The following ACSF2 variants were observed in gnomAD, a reference collection of about 807,000 sequenced individuals.
The protein encoded by ACSF2 is medium-chain acyl-CoA ligase ACSF2, mitochondrial.
ACSF2 carries 52 observed loss-of-function variants against 79.3 expected under a neutral mutation model. The ratio of observed to expected loss-of-function variants is 0.66; its 90% CI spans 0.53 to 0.83. The LOEUF (loss-of-function observed/expected upper bound fraction) is 0.83, where lower values mean the gene tolerates loss of function less well. Among genes scored for constraint, ACSF2 ranks in the 40% least tolerant of loss-of-function variants. The probability of loss-of-function intolerance (pLI) is 0.00; values close to 1 mark genes in which losing one functional copy is unlikely to be tolerated. For missense variants in ACSF2, 661 were observed against 803.3 expected, an observed-to-expected ratio of 0.82 and a Z score of 2.14; for synonymous variants, 283 against 312.6, an observed-to-expected ratio of 0.91 and a Z score of 1.00.
chr17:50,468,308 C>T, intron 10 of ACSF2: 1 of 1,613,960 alleles, frequency 6.2e-7, no homozygotes, highest in Non-Finnish European at 8.5e-7. Flanking sequence ...GTCCTTGGCT[C>T]CCTGGAAGGC....
intron 1 of ACSF2, among the ~76,000 whole-genome samples, chr17:50,432,181 G>A (rs2029986565): frequency 6.6e-6 from 1 of 152,178 alleles, no homozygotes; most frequent in Non-Finnish European, 1.5e-5. Flanking sequence ...TGGGATTACA[G>A]GTGTGAGCCA....
chr17:50,463,461 A>G lies in ACSF2; in HGVS notation c.955A>G (p.Thr319Ala), dbSNP rs1241692777. Residue 319 changes from threonine to alanine, a missense_variant, in exon 8 of 16, where the codon ACA (threonine) becomes GCA (alanine). Physicochemically the swap from Thr to Ala is moderately conservative, Grantham distance 58. Transcript: ENST00000300441. This position sits in a 1 kb window ranked among gnomAD's most constrained non-coding sequence, Gnocchi z 4.6. ...CCATTGCCTGGGTTCCGTGGCAGGCACAATGATGTGTCTGATGTACGGTGC... is the reference window on the plus strand; with the variant it reads ...CCATTGCCTGGGTTCCGTGGCAGGCGCAATGATGTGTCTGATGTACGGTGC... ...LYHCLGSVAG[T>A]MMCLMYGATL... The G allele has an allele frequency of 7.4e-6, 12 of 1,614,038 alleles. No individual in the cohort carries two copies. Among genetic ancestry groups the G allele is most frequent in the Non-Finnish European group, 8.5e-6 (10 of 1,180,036 alleles).
chr17:50,471,753 C>A lies in ACSF2; in HGVS notation c.1323+618C>A. 1 of 159,220 alleles carries A rather than the reference C, an allele frequency of 6.3e-6. No individual in the cohort carries two copies. 9.9% of individuals were successfully genotyped at this position (159,220 alleles called of 1,614,324 possible). A position where few individuals can be genotyped will look rare whatever the true frequency, so the allele number is the denominator to read the frequency against. ...CCCCGTGCACAAGCAGCTGCTTCCCCTGGGGCTGACCGCTGTCCTGGCGTG... is the reference window on the plus strand; with the variant it reads ...CCCCGTGCACAAGCAGCTGCTTCCCATGGGGCTGACCGCTGTCCTGGCGTG... On this transcript the variant is annotated intron_variant, in intron 11 of 15. Coordinates refer to ENST00000300441, the MANE Select transcript of ACSF2 (RefSeq NM_025149.6). The surrounding 1 kb of genome is among the most constrained non-coding windows in gnomAD (Gnocchi z 4.1).
intron 1 of ACSF2, among the ~76,000 whole-genome samples, chr17:50,459,417 A>G (rs1281371746): frequency 6.6e-6 from 1 of 152,122 alleles, no homozygotes; most frequent in Non-Finnish European, 1.5e-5. Context: ...ATTGTTTAAA[A>G]TGTTTCATAG....
intron 10 of ACSF2, among the ~76,000 whole-genome samples, chr17:50,466,091 C>CTT (rs1345682475): frequency 3.4e-4 from 41 of 120,182 alleles, no homozygotes; most frequent in African/African-American, 7.7e-4. Flanking sequence ...TTTTTTTTTC[C>CTT]TTTTTTTTTT....
chr17:50,435,364 T>C (rs1243383137), intron 1 of ACSF2, among the ~76,000 whole-genome samples: 2 of 152,098 alleles, frequency 1.3e-5, no homozygotes, highest in Non-Finnish European at 2.9e-5. Context: ...GTAGCTTTTT[T>C]TCATCCTCTT....
At chr17:50,433,188 C>T (rs146925774) in intron 1 of ACSF2, among the ~76,000 whole-genome samples, 9 of 150,888 alleles carry the variant, frequency 6.0e-5, no homozygotes, top group African/African-American at 2.2e-4. Flanking sequence ...CTCACTGTAA[C>T]CTCCGCCTCC....
chr17:50,472,176 A>C (rs906179909), intron 11 of ACSF2: 40 of 484,582 alleles, frequency 8.3e-5, no homozygotes, highest in African/African-American at 8.0e-4. Flanking sequence ...CTGCCTGCCC[A>C]CTCTGTTTCC....
intron 1 of ACSF2, among the ~76,000 whole-genome samples, chr17:50,436,357 C>T (rs1324490196): frequency 6.6e-6 from 1 of 151,950 alleles, no homozygotes; most frequent in African/African-American, 2.4e-5. Context: ...TCTCGATCTC[C>T]TGACCTTGTG....
In ACSF2 at chr17:50,474,297, C is replaced by A; in HGVS notation, c.1797+30C>A. On this transcript the variant is annotated intron_variant, in intron 15 of 15. Transcript: ENST00000300441. This position sits in a 1 kb window ranked among gnomAD's most constrained non-coding sequence, Gnocchi z 4.2. Reference sequence around the variant, plus strand: ...GTAAGGTGGAGGAGGCTGGGGAGGGCAGCCTGGGCTCTGGGGCCCCATAGG... The same window carrying A: ...GTAAGGTGGAGGAGGCTGGGGAGGGAAGCCTGGGCTCTGGGGCCCCATAGG... 1.2e-6 allele frequency: 2 copies of A among 1,613,192 alleles called. No homozygotes were observed. Among genetic ancestry groups the A allele is most frequent in the Non-Finnish European group, 1.7e-6 (2 of 1,179,130 alleles).
intron 1 of ACSF2, among the ~76,000 whole-genome samples, chr17:50,448,914 A>G (rs2031470017): frequency 6.6e-6 from 1 of 151,942 alleles, no homozygotes; most frequent in Non-Finnish European, 1.5e-5. Context: ...TCAGGGTTTG[A>G]CACAAGTGAC....
intron 3 of ACSF2, 84 bp downstream of exon 3, chr17:50,461,454 A>ATCAAACCAGTGCCTTGTTGGTT: frequency 6.2e-7 from 1 of 1,601,868 alleles, no homozygotes; most frequent in South Asian, 1.1e-5. Context: ...CAGCCCCAGG[A>ATCAAACCAGTGCCTTGTTGGTT]TCAAACCAGT....
chr17:50,467,935 A>T, intron 10 of ACSF2: 1 of 1,221,408 alleles, frequency 8.2e-7, no homozygotes, highest in Non-Finnish European at 1.1e-6. Context: ...AGCCAGAGGG[A>T]CAGGGAACCT....
At chr17:50,426,509 C>A in intron 1 of ACSF2, 120 bp downstream of exon 1, 2 of 1,155,132 alleles carry the variant, frequency 1.7e-6, no homozygotes, top group Non-Finnish European at 2.2e-6. Flanking sequence ...AAGGTACCCG[C>A]CCCTCCCCCG....
chr17:50,472,457 G>A lies in ACSF2; in HGVS notation c.1353G>A (p.Thr451=), dbSNP rs763114145. 1.1e-5 allele frequency: 17 copies of A among 1,612,428 alleles called. No individual in the cohort carries two copies. Among genetic ancestry groups the A allele is most frequent in the Admixed American group, 1.7e-5 (1 of 59,820 alleles). ...GGATCATGAACATGGAGGCAGGGACGCTGGCAAAGCTGAACACGCCCGGGG... is the reference window on the plus strand; with the variant it reads ...GGATCATGAACATGGAGGCAGGGACACTGGCAAAGCTGAACACGCCCGGGG... The part of the protein sequence containing the change: ...EARIMNMEAG[T]LAKLNTPGEL... Residue 451 remains threonine (T), a synonymous_variant, in exon 12 of 16, where the codon ACG becomes ACA. Coordinates refer to ENST00000300441, the MANE Select transcript of ACSF2 (RefSeq NM_025149.6).
chr17:50,440,752 G>A (rs923776630), intron 1 of ACSF2, among the ~76,000 whole-genome samples: 1 of 152,272 alleles, frequency 6.6e-6, no homozygotes, highest in African/African-American at 2.4e-5. Flanking sequence ...GCTGGGCAGG[G>A]CTAATGCTGG....
At chr17:50,449,342 T>A (rs1310804481) in intron 1 of ACSF2, among the ~76,000 whole-genome samples, 1 of 151,206 alleles carries the variant, frequency 6.6e-6, no homozygotes, top group Non-Finnish European at 1.5e-5. Flanking sequence ...TGTTACTGGC[T>A]TCTTTCACTT....
Position 50,460,693 on chromosome 17 carries a change from C to T in ACSF2, c.145C>T (p.Arg49Cys), listed in dbSNP as rs781188170. ...TCCCTACAGTTCCAGAGAGGTGGAT[C>T]GCATGGTCTCCACGCCCATCGGAGG... ...VRFLSSREVD[R>C]MVSTPIGGLS... The change falls in exon 2 of 16, where the codon CGC becomes TGC. Residue 49 changes from arginine to cysteine, a missense_variant. By Grantham distance (180) the Arg-to-Cys change is radical. Coordinates refer to ENST00000300441, the MANE Select transcript of ACSF2 (RefSeq NM_025149.6). 19 of 1,612,012 alleles carry T rather than the reference C, an allele frequency of 1.2e-5. No individual in the cohort carries two copies. Among genetic ancestry groups the T allele is most frequent in the Middle Eastern group, 1.6e-4 (1 of 6,084 alleles).
intron 1 of ACSF2, among the ~76,000 whole-genome samples, chr17:50,449,951 AG>A (rs1178736143): frequency 6.6e-6 from 1 of 152,084 alleles, no homozygotes; most frequent in Admixed American, 6.6e-5. Context: ...ACTGCTAGAC[AG>A]CTTTTACCTT....
Sources: gnomAD v4.1 joint callset for allele counts (sites outside exome capture counted in the v4.1 genomes callset) on GRCh38, gnomAD v4.1.1 for gene constraint, Gnocchi (gnomAD v3.1) non-coding constraint, MANE v1.5 for transcripts, NCBI Gene and HGNC (gene_info 2026-07-23, HGNC 2026-07-21) for gene names.